UBXN2B: variants seen among roughly 807,000 people sequenced by gnomAD.
UBXN2B encodes the protein UBX domain-containing protein 2B.
A neutral mutation model predicts 37.5 loss-of-function variants in UBXN2B; 19 were observed. That is an observed-to-expected ratio of 0.51 (90% CI 0.35 to 0.74). The LOEUF (loss-of-function observed/expected upper bound fraction) is 0.74. UBXN2B is among the 30% of genes least tolerant of loss of function. The pLI is 0.01. For missense variants in UBXN2B, 370 were observed against 393.2 expected (o/e 0.94, Z 0.50); for synonymous variants, 145 against 143.8 (o/e 1.01, Z -0.06).
intron 2 of UBXN2B, among the ~76,000 whole-genome samples, chr8:58,421,489 G>A (rs1807923121): frequency 6.6e-6 from 1 of 152,008 alleles, no homozygotes; most frequent in Non-Finnish European, 1.5e-5. Context: ...GGAATATTGT[G>A]CATATTTAAT....
chr8:58,437,318 C>CT (rs773987509), intron 5 of UBXN2B, among the ~76,000 whole-genome samples: 12,489 of 74,372 alleles, frequency 0.17, 2,444 homozygotes, highest in African/African-American at 0.2. Context: ...GAAGAAATTT[C>CT]TTTTTTTTTT....
chr8:58,436,413 T>A (rs941620988), intron 5 of UBXN2B, among the ~76,000 whole-genome samples: 2 of 152,228 alleles, frequency 1.3e-5, no homozygotes, highest in African/African-American at 4.8e-5. Context: ...CACATGATGA[T>A]TCTTTGGAAC....
chr8:58,441,533 A>G (rs1808551635), intron 6 of UBXN2B, among the ~76,000 whole-genome samples: 1 of 151,976 alleles, frequency 6.6e-6, no homozygotes. Context: ...TTCCTTCTCT[A>G]TTATTTAAAT....
In UBXN2B at chr8:58,437,318, C is replaced by CTTTT. The variant is rs773987509; in HGVS notation, c.534-2291_534-2288dup. Among the ~76,000 whole-genome samples, 31 of 74,260 alleles carry CTTTT rather than the reference C, an allele frequency of 4.2e-4. 1 individual carries two copies. The highest frequency in any genetic ancestry group is 5.5e-4 in the Non-Finnish European group (21 of 38,446). The allele number at this position is 74,260 out of a possible 152,430, so 48.7% of individuals were successfully genotyped here. A position where few individuals can be genotyped will look rare whatever the true frequency, so the allele number is the denominator to read the frequency against. On this transcript the variant is annotated intron_variant, in intron 5 of 7. Coordinates refer to ENST00000399598, the MANE Select transcript of UBXN2B (RefSeq NM_001077619.2). ...CTAGGGTACCTGGTGGAAGAAATTT[C>CTTTT]TTTTTTTTTTTTTTTTTTTTTTTTT... is the stretch of plus-strand genomic sequence containing the variant.
chr8:58,431,397 G>C (rs78742767), intron 3 of UBXN2B, among the ~76,000 whole-genome samples: 1 of 152,174 alleles, frequency 6.6e-6, no homozygotes, highest in Non-Finnish European at 1.5e-5. Context: ...GTTATTGCTT[G>C]TATCACAACT....
At chr8:58,433,298 A>G (rs1808329659) in intron 4 of UBXN2B, 55 bp downstream of exon 4, 2 of 1,423,860 alleles carry the variant, frequency 1.4e-6, no homozygotes, top group South Asian at 2.5e-5. Context: ...AGTTACTAAA[A>G]CTGTTGGTTT....
chr8:58,430,898 T>C (rs1033909525), intron 3 of UBXN2B, among the ~76,000 whole-genome samples: 1 of 152,144 alleles, frequency 6.6e-6, no homozygotes, highest in African/African-American at 2.4e-5. Context: ...ATTAGTAGAG[T>C]CACAGGCATT....
At chr8:58,433,939 A>G (rs1384331996) in intron 4 of UBXN2B, among the ~76,000 whole-genome samples, 5 of 152,196 alleles carry the variant, frequency 3.3e-5, no homozygotes, top group Admixed American at 2.6e-4. Flanking sequence ...ATTTTATTTT[A>G]GACATTGATA....
At chr8:58,447,297 A>T in intron 7 of UBXN2B, 92 bp from the exon 8 acceptor site, 2 of 1,225,510 alleles carry the variant, frequency 1.6e-6, no homozygotes, top group Non-Finnish European at 1.1e-6. Context: ...TATAAAGATT[A>T]AAATTTTGTG....
chr8:58,426,512 G>T (rs755504095), intron 2 of UBXN2B: 7 of 728,054 alleles, frequency 9.6e-6, no homozygotes, highest in Non-Finnish European at 1.8e-5. Flanking sequence ...CCGGCCCAGT[G>T]TTCTGAATCT....
chr8:58,420,365 C>A (rs1329698897), intron 2 of UBXN2B, among the ~76,000 whole-genome samples: 1 of 151,974 alleles, frequency 6.6e-6, no homozygotes, highest in African/African-American at 2.4e-5. Context: ...AAAACAGTTG[C>A]AAATAGACTA....
At chr8:58,417,269 T>G (rs1807809552) in intron 2 of UBXN2B, among the ~76,000 whole-genome samples, 1 of 152,196 alleles carries the variant, frequency 6.6e-6, no homozygotes, top group East Asian at 1.9e-4. Flanking sequence ...CTTTAATATT[T>G]TTTGAGTCAT....
intron 6 of UBXN2B, among the ~76,000 whole-genome samples, chr8:58,444,174 A>G (rs1292065838): frequency 2.0e-5 from 3 of 152,252 alleles, no homozygotes; most frequent in African/African-American, 7.2e-5. Flanking sequence ...CTTGGTGTGT[A>G]GAAAGAGCCC....
chr8:58,418,000 G>A (rs1309520910), intron 2 of UBXN2B, among the ~76,000 whole-genome samples: 1 of 152,092 alleles, frequency 6.6e-6, no homozygotes, highest in Non-Finnish European at 1.5e-5. Flanking sequence ...AGCACTTTAG[G>A]TGGGCCAAGG....
intron 2 of UBXN2B, among the ~76,000 whole-genome samples, chr8:58,423,076 CG>C (rs1807968971): frequency 1.1e-4 from 14 of 125,226 alleles, no homozygotes; most frequent in African/African-American, 4.3e-4. Flanking sequence ...TCTGGTGAGA[CG>C]AAATCATCAT....
intron 7 of UBXN2B, among the ~76,000 whole-genome samples, chr8:58,446,782 T>A (rs999073885): frequency 7.0e-5 from 4 of 57,126 alleles, no homozygotes; most frequent in Non-Finnish European, 1.0e-4. Flanking sequence ...AACCTGCATT[T>A]TTTTTTTTTT....
chr8:58,416,788 C>A, intron 1 of UBXN2B, 62 bp from the exon 2 acceptor site: 1 of 1,437,136 alleles, frequency 7.0e-7, no homozygotes, highest in Non-Finnish European at 9.6e-7. Flanking sequence ...TACATAACTT[C>A]TAGTTGTATG....
In UBXN2B at chr8:58,439,716, T is replaced by A. The variant is rs1808497052; in HGVS notation, c.617T>A (p.Ile206Lys). The A allele has an allele frequency of 6.2e-7, 1 of 1,611,560 alleles. No homozygotes were observed. Among genetic ancestry groups the A allele is most frequent in the Non-Finnish European group, 8.5e-7 (1 of 1,178,940 alleles). Residue 206 changes from isoleucine to lysine, a missense_variant, in exon 6 of 8, where the codon ATA (isoleucine) becomes AAA (lysine). Ile to Lys is a moderately radical substitution (Grantham distance 102). Transcript: ENST00000399598. ...DMEDHQDQEY[I>K]KPRLRFKAFS... ...GAGGATCATCAGGATCAAGAATACA[T>A]AAAACCTAGATTGAGGTTCAAGGCT... is the stretch of plus-strand genomic sequence containing the variant.
chr8:58,424,745 T>C, intron 2 of UBXN2B: 1 of 1,416,254 alleles, frequency 7.1e-7, no homozygotes, highest in Non-Finnish European at 1.0e-6. Flanking sequence ...TTAATATTTG[T>C]ATATTCATGA....
Sources: gnomAD v4.1 joint callset for allele counts (sites outside exome capture counted in the v4.1 genomes callset) on GRCh38, gnomAD v4.1.1 for gene constraint, MANE v1.5 for transcripts, NCBI Gene and HGNC (gene_info 2026-07-23, HGNC 2026-07-21) for gene names.